AEBP2: variants seen among roughly 807,000 people sequenced by gnomAD.
AEBP2 encodes zinc finger protein AEBP2.
In AEBP2, 10 loss-of-function variants were observed where a neutral mutation model predicts 50.8. That is an observed-to-expected ratio of 0.20 (90% confidence interval 0.12 to 0.33). The LOEUF is 0.33. AEBP2 is among the 10% of genes least tolerant of loss of function. The probability of loss-of-function intolerance (pLI) is 1.00; values close to 1 mark genes in which losing one functional copy is unlikely to be tolerated. For synonymous variants in AEBP2, 296 were observed against 261.3 expected (o/e 1.13, Z -1.28); for missense variants, 570 against 688.0 (o/e 0.83, Z 1.92).
rs780585583 is a variant in AEBP2 at position 19,493,783 on chromosome 12, GTTTTA to G, written c.988-12_988-8del. ...ACACAGCATGCCTGACGTTATTTCT[GTTTTA>G]TTTTCTTTTAGTGTGTTGTTGGTGG... On this transcript the variant is annotated splice_polypyrimidine_tract_variant and intron_variant, in intron 3 of 7. Coordinates refer to ENST00000266508, the MANE Select transcript of AEBP2 (RefSeq NM_153207.5). 3.7e-6 allele frequency: 6 copies of G among 1,610,324 alleles called. No homozygotes were observed. The African/African-American group carries it at 6.7e-5, about 18-fold the overall frequency.
At chr12:19,425,694 C>A (rs1420676844) in intron 1 of AEBP2, among the ~76,000 whole-genome samples, 1 of 150,794 alleles carries the variant, frequency 6.6e-6, no homozygotes, top group East Asian at 2.0e-4. Context: ...AATCACTTGA[C>A]CTGGGAGGTG....
chr12:19,516,033 C>A (rs1168151364), intron 7 of AEBP2, among the ~76,000 whole-genome samples: 1 of 152,112 alleles, frequency 6.6e-6, no homozygotes, highest in African/African-American at 2.4e-5. Context: ...TGCAGTGAGC[C>A]AGGATTACAC....
intron 3 of AEBP2, among the ~76,000 whole-genome samples, chr12:19,475,568 C>G (rs1206544276): frequency 6.6e-6 from 1 of 152,068 alleles, no homozygotes; most frequent in East Asian, 1.9e-4. Flanking sequence ...AGTAGTCATT[C>G]ATATAATGAC....
intron 1 of AEBP2, among the ~76,000 whole-genome samples, chr12:19,458,419 G>A (rs1948311893): frequency 6.6e-6 from 1 of 152,186 alleles, no homozygotes; most frequent in Non-Finnish European, 1.5e-5. Context: ...GAGTGTTCCA[G>A]GACGTGCCTC....
intron 1 of AEBP2, among the ~76,000 whole-genome samples, chr12:19,428,976 A>G (rs1013970428): frequency 6.6e-6 from 1 of 151,586 alleles, no homozygotes; most frequent in Non-Finnish European, 1.5e-5. Flanking sequence ...CCATCTCTAC[A>G]ATTTTTTTTT....
At chr12:19,436,450 A>G (rs983375855), upstream of AEBP2, among the ~76,000 whole-genome samples, 2 of 152,144 alleles carry the variant, frequency 1.3e-5, no homozygotes, top group Non-Finnish European at 2.9e-5. Flanking sequence ...CTTTCTTAAT[A>G]AACTTGCTTT....
intron 1 of AEBP2, among the ~76,000 whole-genome samples, chr12:19,461,669 C>T (rs975356161): frequency 1.1e-4 from 17 of 152,018 alleles, no homozygotes; most frequent in African/African-American, 3.6e-4. Flanking sequence ...GCCACCACAC[C>T]CGGATAATTT....
chr12:19,445,010 C>G (rs1254830920), intron 1 of AEBP2, among the ~76,000 whole-genome samples: 3 of 150,094 alleles, frequency 2.0e-5, no homozygotes, highest in Admixed American at 6.7e-5. Context: ...CCACAGGCAC[C>G]TGGCCCAACA....
intron 3 of AEBP2, among the ~76,000 whole-genome samples, chr12:19,474,202 TC>T (rs1288375295): frequency 6.6e-6 from 1 of 152,186 alleles, no homozygotes; most frequent in Non-Finnish European, 1.5e-5. Context: ...AAAAATCTTT[TC>T]CATTTATCTT....
intron 1 of AEBP2, among the ~76,000 whole-genome samples, chr12:19,431,195 G>A (rs1478440181): frequency 6.6e-6 from 1 of 152,138 alleles, no homozygotes; most frequent in African/African-American, 2.4e-5. Flanking sequence ...AGAAAGGAGG[G>A]CTGGTTGCTT....
chr12:19,459,843 A>T (rs922851175), intron 1 of AEBP2, among the ~76,000 whole-genome samples: 2 of 152,194 alleles, frequency 1.3e-5, no homozygotes, highest in African/African-American at 4.8e-5. Context: ...TTCATATCTG[A>T]AGCATCCTAC....
chr12:19,441,018 G>A (rs905892944), intron 1 of AEBP2, among the ~76,000 whole-genome samples: 1 of 152,158 alleles, frequency 6.6e-6, no homozygotes, highest in Non-Finnish European at 1.5e-5. Context: ...CGTATAAATG[G>A]TTGTGGAAAA....
At position 19,518,903 on chromosome 12, in the gene AEBP2, A is replaced by T; in HGVS notation, c.*786A>T. 2.6e-6 allele frequency: 1 copy of T among 382,518 alleles called. No homozygotes were observed. Among genetic ancestry groups the T allele is most frequent in the Non-Finnish European group, 4.5e-6 (1 of 220,074 alleles). The allele number at this position is 382,518 out of a possible 1,614,324, so 23.7% of individuals were successfully genotyped here. ...CGGTTTTTGAAAAACCTTTCAAATT[A>T]TTTGAATAATCTTCATATTTTCATT... On this transcript the variant is annotated 3_prime_UTR_variant, in exon 8 of 8. Transcript: ENST00000266508.
rs746384559 is a variant in AEBP2 at position 19,473,316 on chromosome 12, A to G, written c.948A>G (p.Gln316=). ...NTPSTSQSWL[Q]RHMLTHSGDK... The stretch of plus-strand genomic sequence containing the variant: ...CATCTACCAGTCAAAGTTGGTTACA[A>G]AGGCATATGCTGACACACAGTGGAG... The change falls in exon 3 of 8, where the codon CAA becomes CAG. Residue 316 remains glutamine (Q), a synonymous_variant. Coordinates refer to ENST00000266508, the MANE Select transcript of AEBP2 (RefSeq NM_153207.5). 4 of 1,551,310 alleles carry G rather than the reference A, an allele frequency of 2.6e-6. No individual in the cohort carries two copies. Among genetic ancestry groups the G allele is most frequent in the Non-Finnish European group, 3.5e-6 (4 of 1,147,946 alleles).
chr12:19,512,778 T>A (rs1949254706), intron 6 of AEBP2, among the ~76,000 whole-genome samples: 1 of 151,766 alleles, frequency 6.6e-6, no homozygotes, highest in Non-Finnish European at 1.5e-5. Context: ...TAAAACCCTG[T>A]CTCTACTAAA....
In AEBP2 at chr12:19,478,101, G is replaced by A. The variant is rs73337398; in HGVS notation, c.987+4746G>A. On this transcript the variant is annotated intron_variant, in intron 3 of 7. Coordinates refer to ENST00000266508, the MANE Select transcript of AEBP2 (RefSeq NM_153207.5). ...CTTTTCTTGGTTAGTTTCACTAATG[G>A]TCTGTCACTTTTGTCTTTTCAAAGA... Among the ~76,000 whole-genome samples, 526 of 152,214 alleles carry A rather than the reference G, an allele frequency of 3.5e-3. 6 individuals carry two copies. The highest frequency in any genetic ancestry group is 0.012 in the African/African-American group (510 of 41,510).
At chr12:19,415,655 TCAATACAATACAATA>T (rs58109649) in intron 1 of AEBP2, among the ~76,000 whole-genome samples, 433 of 131,980 alleles carry the variant, frequency 3.3e-3, no homozygotes, top group African/African-American at 0.01. Context: ...AGAGATTAAA[TCAATACAATACAATA>T]CAATACAATA....
intron 3 of AEBP2, among the ~76,000 whole-genome samples, chr12:19,480,990 A>G (rs1261418379): frequency 1.3e-5 from 2 of 149,948 alleles, no homozygotes; most frequent in Non-Finnish European, 3.0e-5. Flanking sequence ...TTTTTTTTTA[A>G]GTGTCTTTTC....
At chr12:19,471,694 A>G (rs907024235) in intron 2 of AEBP2, among the ~76,000 whole-genome samples, 11 of 149,054 alleles carry the variant, frequency 7.4e-5, no homozygotes, top group African/African-American at 1.2e-4. Context: ...TGCCTAGCCA[A>G]TTTTTTTTGT....
Sources: gnomAD v4.1 joint callset for allele counts (sites outside exome capture counted in the v4.1 genomes callset) on GRCh38, gnomAD v4.1.1 for gene constraint, MANE v1.5 for transcripts, NCBI Gene and HGNC (gene_info 2026-07-23, HGNC 2026-07-21) for gene names.